BEST3: variants seen among roughly 807,000 people sequenced by gnomAD.
The protein encoded by BEST3 is bestrophin-3.
Under a neutral mutation model 47.1 loss-of-function variants are expected in BEST3, and 50 were observed. The observed-to-expected ratio is 1.06, with a 90% CI of 0.85 to 1.34. BEST3 has a LOEUF of 1.34. Ranked by LOEUF, BEST3 falls within the 40% of genes most tolerant of loss-of-function variation. BEST3 has a pLI of 0.00. For synonymous variants in BEST3, 282 were observed against 298.8 expected (o/e 0.94, Z 0.58); for missense variants, 765 against 817.0 (o/e 0.94, Z 0.78).
At chr12:69,658,500 T>G (rs1323320870) in intron 9 of BEST3, among the ~76,000 whole-genome samples, 1 of 152,200 alleles carries the variant, frequency 6.6e-6, no homozygotes, top group Non-Finnish European at 1.5e-5. Context: ...TCCTGGCTCA[T>G]AAGACTATGG....
In BEST3 at chr12:69,677,250, T is replaced by A; in HGVS notation, c.644A>T (p.Asn215Ile). The A allele has an allele frequency of 6.2e-7, 1 of 1,611,264 alleles. No homozygotes were observed. The highest frequency in any genetic ancestry group is 8.5e-7 in the Non-Finnish European group (1 of 1,178,592). ...VDLQSLMTEM[N>I]RYRSWCSLLF... is the part of the protein sequence containing the mutation. ...GAGGCTGCACCAAGAGCGGTATCGATTCATTTCCTAAGCCAGAAACAGATC... is the reference window on the plus strand; with the variant it reads ...GAGGCTGCACCAAGAGCGGTATCGAATCATTTCCTAAGCCAGAAACAGATC... The change falls in exon 6 of 10, where the codon AAT (asparagine) becomes ATT (isoleucine). Residue 215 changes from asparagine (N) to isoleucine (I), a missense_variant. By Grantham distance (149) the Asn-to-Ile change is moderately radical. Transcript: ENST00000330891.
At chr12:69,681,948 G>T (rs1408224032) in intron 4 of BEST3, among the ~76,000 whole-genome samples, 1 of 152,040 alleles carries the variant, frequency 6.6e-6, no homozygotes, top group South Asian at 2.1e-4. Flanking sequence ...GGGTGTAGTG[G>T]TAGGGACCTG....
At chr12:69,656,316 G>A (rs1441970587) in intron 9 of BEST3, among the ~76,000 whole-genome samples, 4 of 152,018 alleles carry the variant, frequency 2.6e-5, no homozygotes, top group South Asian at 2.1e-4. Context: ...GAGAATCACC[G>A]ATCTAGAGAC....
At chr12:69,683,450 G>C (rs1397924019) in intron 4 of BEST3, 3 of 152,196 alleles carry the variant, frequency 2.0e-5, no homozygotes, top group Non-Finnish European at 4.4e-5. Context: ...AGTCAAGTTG[G>C]GAACTGCTTA....
intron 4 of BEST3, among the ~76,000 whole-genome samples, chr12:69,681,056 C>T (rs1885227547): frequency 6.6e-6 from 1 of 151,880 alleles, no homozygotes. Flanking sequence ...TAATGACTCT[C>T]CTGGTATTTA....
At chr12:69,692,306 G>A (rs1885955027) in intron 4 of BEST3, among the ~76,000 whole-genome samples, 1 of 152,216 alleles carries the variant, frequency 6.6e-6, no homozygotes, top group Non-Finnish European at 1.5e-5. Flanking sequence ...TGGACTCAAT[G>A]TGAAGGCAGA....
Position 69,655,265 on chromosome 12 carries a change from A to G in BEST3, c.1649T>C (p.Leu550Pro), listed in dbSNP as rs548120520. 3.5e-5 allele frequency: 56 copies of G among 1,614,192 alleles called. No homozygotes were observed. In the South Asian group the frequency reaches 4.1e-4, roughly 12 times the overall value. ...EQQQGPMGSI[L>P]SPSEKETPPG... ...AGGTGTCTCCTTCTCTGAGGGAGAC[A>G]GGATGGATCCCATGGGGCCCTGCTG... Residue 550 changes from leucine (L) to proline (P), a missense_variant, in exon 10 of 10, where the codon CTG becomes CCG. Physicochemically the swap from Leu to Pro is moderately conservative, Grantham distance 98. Coordinates refer to ENST00000330891, the MANE Select transcript of BEST3 (RefSeq NM_032735.3).
intron 4 of BEST3, among the ~76,000 whole-genome samples, chr12:69,693,059 A>G (rs551212670): frequency 5.9e-4 from 90 of 152,244 alleles, no homozygotes; most frequent in African/African-American, 2.1e-3. Flanking sequence ...AATAAATATG[A>G]TAATTATTAT....
At chr12:69,659,616 G>C (rs1344091975) in intron 9 of BEST3, among the ~76,000 whole-genome samples, 2 of 152,156 alleles carry the variant, frequency 1.3e-5, no homozygotes, top group Non-Finnish European at 2.9e-5. Context: ...GCTTCCCAAA[G>C]TGTTGGGATT....
chr12:69,678,941 C>G (rs1885082621), intron 4 of BEST3, 48 bp from the exon 5 acceptor site: 1 of 1,438,516 alleles, frequency 7.0e-7, no homozygotes, highest in Non-Finnish European at 9.6e-7. Flanking sequence ...TAGTTTGACA[C>G]TAATACGTTA....
At chr12:69,646,083 C>T (rs1428179396) in intron 9 of BEST3, among the ~76,000 whole-genome samples, 1 of 152,110 alleles carries the variant, frequency 6.6e-6, no homozygotes, top group Non-Finnish European at 1.5e-5. Flanking sequence ...ATTACAGGTG[C>T]CTGCCACCAT....
chr12:69,655,947 G>A, intron 9 of BEST3, 134 bp from the exon 10 acceptor site: 1 of 1,363,232 alleles, frequency 7.3e-7, no homozygotes, highest in Non-Finnish European at 9.7e-7. Flanking sequence ...GAGGACTTGA[G>A]ATAGTCTAGC....
rs1015266160 is a variant in BEST3, at chr12:69,655,636, T to C, written c.1278A>G (p.Arg426=). The change falls in exon 10 of 10, where the codon CGA becomes CGG. Residue 426 remains arginine, a synonymous_variant. Coordinates refer to ENST00000330891, the MANE Select transcript of BEST3 (RefSeq NM_032735.3). ...GGTCCCTGGCTGGGCTGAGGTCATC[T>C]CGGGGTAAGAACATGGAGCTGTCAC... ...QTSDSSMFLP[R]DDLSPARDLL... The C allele has an allele frequency of 3.7e-6, 6 of 1,613,848 alleles. No homozygotes were observed. Among genetic ancestry groups the C allele is most frequent in the Non-Finnish European group, 5.1e-6 (6 of 1,180,006 alleles).
At position 69,654,713 on chromosome 12, in the gene BEST3, C is replaced by T. The variant is rs560712494; in HGVS notation, c.*194G>A. 1.7e-5 allele frequency: 23 copies of T among 1,340,256 alleles called. No homozygotes were observed. The highest frequency in any genetic ancestry group is 2.8e-4 in the Middle Eastern group (1 of 3,536). 83.0% of individuals were successfully genotyped at this position (1,340,256 alleles called of 1,614,324 possible). A position where few individuals can be genotyped will look rare whatever the true frequency, so the allele number is the denominator to read the frequency against. ...ATGAAAGCCATGTTGTGTTGGATGA[C>T]GTGAATGCGTTTGATTTTTCGCAGC... is the stretch of plus-strand genomic sequence containing the variant. On this transcript the variant is annotated 3_prime_UTR_variant, in exon 10 of 10. Coordinates refer to ENST00000330891, the MANE Select transcript of BEST3 (RefSeq NM_032735.3).
chr12:69,681,926 C>T (rs1486934007), intron 4 of BEST3, among the ~76,000 whole-genome samples: 1 of 151,840 alleles, frequency 6.6e-6, no homozygotes, highest in African/African-American at 2.4e-5. Context: ...ACTAAAATTA[C>T]AAAAATTAGC....
At chr12:69,690,682 C>A (rs1885887811) in intron 4 of BEST3, among the ~76,000 whole-genome samples, 1 of 152,178 alleles carries the variant, frequency 6.6e-6, no homozygotes, top group Non-Finnish European at 1.5e-5. Context: ...CTCTGTTCAT[C>A]CAAGTAAACT....
chr12:69,667,806 A>T (rs1426732301), intron 9 of BEST3, among the ~76,000 whole-genome samples: 1 of 151,688 alleles, frequency 6.6e-6, no homozygotes, highest in Non-Finnish European at 1.5e-5. Context: ...TTTTTTGACT[A>T]CCTCTAGCAT....
At chr12:69,680,883 A>G (rs565338955) in intron 4 of BEST3, among the ~76,000 whole-genome samples, 1 of 152,164 alleles carries the variant, frequency 6.6e-6, no homozygotes, top group Admixed American at 6.5e-5. Context: ...TAAAAAATTA[A>G]TATATAGAGA....
intron 9 of BEST3, among the ~76,000 whole-genome samples, chr12:69,663,312 A>T (rs928501774): frequency 6.6e-6 from 1 of 152,246 alleles, no homozygotes; most frequent in Non-Finnish European, 1.5e-5. Flanking sequence ...TTTCAGCAAC[A>T]CTGGCTTGAA....
Sources: gnomAD v4.1 joint callset for allele counts (sites outside exome capture counted in the v4.1 genomes callset) on GRCh38, gnomAD v4.1.1 for gene constraint, MANE v1.5 for transcripts, NCBI Gene and HGNC (gene_info 2026-07-23, HGNC 2026-07-21) for gene names.